PRKCA: variants seen among roughly 807,000 people sequenced by gnomAD.
PRKCA encodes the protein protein kinase C alpha type.
In PRKCA, 27 loss-of-function variants were observed where a neutral mutation model predicts 87.0. That is an observed-to-expected ratio of 0.31 (90% CI 0.23 to 0.43). The LOEUF is 0.43. PRKCA is among the 20% of genes least tolerant of loss of function. PRKCA has a pLI of 1.00. For synonymous variants in PRKCA, 329 were observed against 311.1 expected, an observed-to-expected ratio of 1.06 and a Z score of -0.61; for missense variants, 518 against 852.3, an observed-to-expected ratio of 0.61 and a Z score of 4.88.
intron 2 of PRKCA, among the ~76,000 whole-genome samples, chr17:66,407,856 C>A (rs1343764008): frequency 2.0e-5 from 3 of 152,144 alleles, no homozygotes; most frequent in Non-Finnish European, 2.9e-5. Context: ...ACATTGCAAG[C>A]CCCATTGAAA....
intron 5 of PRKCA, among the ~76,000 whole-genome samples, chr17:66,662,368 C>T (rs933688346): frequency 1.2e-4 from 18 of 152,316 alleles, no homozygotes; most frequent in South Asian, 4.1e-4. Flanking sequence ...TTTAATTTCC[C>T]TTTCTACTGA....
chr17:66,362,859 T>C (rs1486391977), intron 2 of PRKCA, among the ~76,000 whole-genome samples: 4 of 152,140 alleles, frequency 2.6e-5, no homozygotes, highest in South Asian at 2.1e-4. Context: ...CATGCCAGGC[T>C]AATTTTTGTA....
chr17:66,669,277 T>C lies in PRKCA; in HGVS notation c.530-17834T>C, dbSNP rs192731322. On this transcript the variant is annotated intron_variant, in intron 5 of 16. Transcript: ENST00000413366. ...AAATGCCAGTTTCCAGTAAGGAAAT[T>C]TATAGTACATAATTAAAATCTTTGT... Among the ~76,000 whole-genome samples the C allele has an allele frequency of 3.3e-5, 5 of 152,152 alleles. No homozygotes were observed. The South Asian group carries it at 1.0e-3, about 32-fold the overall frequency.
chr17:66,620,054 C>T (rs1158669634), intron 3 of PRKCA, among the ~76,000 whole-genome samples: 2 of 152,176 alleles, frequency 1.3e-5, no homozygotes, highest in East Asian at 1.9e-4. Flanking sequence ...TCATTGGTAA[C>T]ATAGACCCAT....
chr17:66,381,404 A>G (rs1909769411), intron 2 of PRKCA, among the ~76,000 whole-genome samples: 1 of 152,166 alleles, frequency 6.6e-6, no homozygotes, highest in Non-Finnish European at 1.5e-5. Flanking sequence ...TGACCTGTGG[A>G]AGGACTAAAT....
rs58528190 is a variant in PRKCA, at chr17:66,779,105, T to G, written c.1605+5038T>G. The stretch of plus-strand genomic sequence containing the variant: ...CCACAGCCCCTCCAAGCTTCAGCAA[T>G]CCCAGAGACCCAGCAAACGGAATAG... On this transcript the variant is annotated intron_variant, in intron 14 of 16. Transcript: ENST00000413366. Among the ~76,000 whole-genome samples the G allele has an allele frequency of 2.0e-3, 301 of 152,258 alleles. 1 individual carries two copies. Among genetic ancestry groups the G allele is most frequent in the African/African-American group, 6.9e-3 (287 of 41,532 alleles).
chr17:66,389,473 G>T (rs746086469), intron 2 of PRKCA, among the ~76,000 whole-genome samples: 25 of 152,344 alleles, frequency 1.6e-4, no homozygotes, highest in Non-Finnish European at 3.1e-4. Flanking sequence ...CCTTTGCAGG[G>T]ATATCGTAAG....
At chr17:66,470,278 C>G (rs77817117) in intron 2 of PRKCA, among the ~76,000 whole-genome samples, 6,080 of 141,996 alleles carry the variant, frequency 0.043, 655 homozygotes, top group African/African-American at 0.17. Context: ...TTCACTGTAA[C>G]CTCTGCCACC....
chr17:66,642,654 A>G (rs9896282), intron 4 of PRKCA, among the ~76,000 whole-genome samples: 95,963 of 152,024 alleles, frequency 0.63, 30,463 homozygotes, highest in African/African-American at 0.72. Context: ...GTAGAAAAAG[A>G]AACATAAACG....
chr17:66,738,744 T>C lies in PRKCA; in HGVS notation c.1231-20T>C. On this transcript the variant is annotated intron_variant, in intron 10 of 16. Coordinates refer to ENST00000413366, the MANE Select transcript of PRKCA (RefSeq NM_002737.3). ...TGGCTGGGGAGGAGCCCTGCTCATGTGTTGAACCTTGGTCTGCAGGATCGG... is the reference window on the plus strand; with the variant it reads ...TGGCTGGGGAGGAGCCCTGCTCATGCGTTGAACCTTGGTCTGCAGGATCGG... The C allele has an allele frequency of 6.2e-7, 1 of 1,606,990 alleles. No individual in the cohort carries two copies. Among genetic ancestry groups the C allele is most frequent in the Non-Finnish European group, 8.5e-7 (1 of 1,174,170 alleles).
chr17:66,470,287 C>T (rs1474818693), intron 2 of PRKCA, among the ~76,000 whole-genome samples: 2 of 111,718 alleles, frequency 1.8e-5, no homozygotes, highest in Non-Finnish European at 3.8e-5. Flanking sequence ...ACCTCTGCCA[C>T]CCCCCCTCCC....
chr17:66,339,110 A>T (rs2143338467), intron 2 of PRKCA, among the ~76,000 whole-genome samples: 1 of 152,282 alleles, frequency 6.6e-6, no homozygotes, highest in East Asian at 1.9e-4. Flanking sequence ...AATGTGATTG[A>T]CGGTGCTTGA....
intron 2 of PRKCA, among the ~76,000 whole-genome samples, chr17:66,364,534 A>C: frequency 6.6e-6 from 1 of 152,122 alleles, no homozygotes; most frequent in African/African-American, 2.4e-5. Context: ...GAGAGAGGGA[A>C]CGATAATGAA....
At chr17:66,653,791 TAAAA>T (rs550316151) in intron 5 of PRKCA, among the ~76,000 whole-genome samples, 1 of 102,504 alleles carries the variant, frequency 9.8e-6, no homozygotes, top group African/African-American at 3.4e-5. Flanking sequence ...TTCCAGCTCT[TAAAA>T]AAAAAAAAAA....
intron 14 of PRKCA, among the ~76,000 whole-genome samples, chr17:66,782,941 C>T (rs530596043): frequency 6.6e-6 from 1 of 152,358 alleles, no homozygotes; most frequent in South Asian, 2.1e-4. Flanking sequence ...AAGCCGTCTG[C>T]ACAGCACGTG....
chr17:66,658,932 G>A (rs959321089), intron 5 of PRKCA, among the ~76,000 whole-genome samples: 9 of 152,196 alleles, frequency 5.9e-5, no homozygotes, highest in African/African-American at 1.9e-4. Context: ...GGAACACACT[G>A]TGAAATCACT....
At chr17:66,427,245 T>C (rs1240096636) in intron 2 of PRKCA, among the ~76,000 whole-genome samples, 1 of 152,196 alleles carries the variant, frequency 6.6e-6, no homozygotes, top group Admixed American at 6.5e-5. Context: ...TTACCCAGGC[T>C]GGTTTTGAAC....
chr17:66,770,818 T>A (rs1408513905), intron 13 of PRKCA, among the ~76,000 whole-genome samples: 1 of 151,914 alleles, frequency 6.6e-6, no homozygotes, highest in Non-Finnish European at 1.5e-5. Flanking sequence ...TAGACCTAGG[T>A]CTCTTGGTGA....
rs151255073 is a variant in PRKCA, at chr17:66,690,702, C to T, written c.918+1655C>T. On this transcript the variant is annotated intron_variant, in intron 8 of 16. Transcript: ENST00000413366. ...AATTAGCCGGGTTTGGTGGCATGTG[C>T]CTGTACTCCCAGCTACTCCAGAGGC... 1.6e-3 allele frequency among the ~76,000 whole-genome samples: 244 copies of T among 151,906 alleles called. 3 individuals are homozygous for T. The highest frequency in any genetic ancestry group is 3.0e-3 in the Non-Finnish European group (201 of 67,974).
Sources: gnomAD v4.1 joint callset for allele counts (sites outside exome capture counted in the v4.1 genomes callset) on GRCh38, gnomAD v4.1.1 for gene constraint, MANE v1.5 for transcripts, NCBI Gene and HGNC (gene_info 2026-07-23, HGNC 2026-07-21) for gene names.